DNAH12: variants seen among roughly 807,000 people sequenced by gnomAD.
DNAH12 encodes the protein axonemal beta dynein heavy chain 12.
Under a neutral mutation model 371.5 loss-of-function variants are expected in DNAH12, and 285 were observed. The ratio of observed to expected loss-of-function variants is 0.77; its 90% CI spans 0.70 to 0.85. The LOEUF is 0.85. Ranked by LOEUF, DNAH12 falls within the 40% of genes least tolerant of loss-of-function variation. The pLI is 0.00. For missense variants in DNAH12, 3,611 were observed against 3,689.4 expected, an observed-to-expected ratio of 0.98 and a Z score of 0.55; for synonymous variants, 1,200 against 1,213.0, an observed-to-expected ratio of 0.99 and a Z score of 0.22.
chr3:57,453,233 A>G lies in DNAH12; in HGVS notation c.3613+14T>C. 2 of 1,519,636 alleles carry G rather than the reference A, an allele frequency of 1.3e-6. No individual in the cohort carries two copies. Among genetic ancestry groups the G allele is most frequent in the African/African-American group, 1.4e-5 (1 of 71,192 alleles). 94.1% of individuals were successfully genotyped at this position (1,519,636 alleles called of 1,614,324 possible). ...AACATTTTATCTTTAAAAATTAAAG[A>G]AAAAGTCACATACCCATTTTAATCA... On this transcript the variant is annotated intron_variant, in intron 24 of 73. Coordinates refer to ENST00000495027, the MANE Select transcript of DNAH12 (RefSeq NM_001366028.2).
chr3:57,318,411 G>C (rs1559549024), intron 65 of DNAH12, among the ~76,000 whole-genome samples: 1 of 152,116 alleles, frequency 6.6e-6, no homozygotes, highest in Non-Finnish European at 1.5e-5. Context: ...TTGTTGAAGA[G>C]ACTATACTTC....
chr3:57,359,316 T>C (rs1256003216), intron 58 of DNAH12, among the ~76,000 whole-genome samples: 13 of 151,630 alleles, frequency 8.6e-5, no homozygotes, highest in Non-Finnish European at 1.5e-4. Flanking sequence ...TCCCAGCACT[T>C]TGGGAGGCTG....
chr3:57,455,357 A>G (rs1242415071), intron 22 of DNAH12, among the ~76,000 whole-genome samples: 4 of 151,864 alleles, frequency 2.6e-5, no homozygotes, highest in Admixed American at 2.6e-4. Flanking sequence ...TGAGGTCAGG[A>G]GTTCGAGACC....
At chr3:57,551,126 A>G in the DNAH12 span, among the ~76,000 whole-genome samples, 7 of 152,042 alleles carry the variant, frequency 4.6e-5, no homozygotes, top group Admixed American at 6.6e-5. Context: ...TCAGTCTCCC[A>G]AAGTGCTGGG....
intron 65 of DNAH12, 34 bp from the exon 66 acceptor site, chr3:57,314,665 A>T: frequency 1.4e-6 from 2 of 1,477,596 alleles, no homozygotes; most frequent in Non-Finnish European, 1.8e-6. Flanking sequence ...AAGAAAAAAA[A>T]TTCCGGTCAG....
chr3:57,355,972 T>C (rs2153324495), intron 59 of DNAH12, among the ~76,000 whole-genome samples: 1 of 152,318 alleles, frequency 6.6e-6, no homozygotes, highest in Admixed American at 6.5e-5. Context: ...TAGGTATTAT[T>C]ATTATCCCAA....
At chr3:57,452,343 G>A (rs1262756664) in intron 25 of DNAH12, among the ~76,000 whole-genome samples, 1 of 152,136 alleles carries the variant, frequency 6.6e-6, no homozygotes, top group Non-Finnish European at 1.5e-5. Flanking sequence ...TGGGAATCCT[G>A]TATTTTATCC....
intron 58 of DNAH12, among the ~76,000 whole-genome samples, chr3:57,358,506 T>C (rs2062850261): frequency 6.6e-6 from 1 of 152,182 alleles, no homozygotes; most frequent in Non-Finnish European, 1.5e-5. Context: ...TTGTATCTTT[T>C]TTATTTTAGC....
chr3:57,357,658 G>A (rs1471795408), intron 58 of DNAH12, among the ~76,000 whole-genome samples: 5 of 152,134 alleles, frequency 3.3e-5, no homozygotes, highest in Non-Finnish European at 5.9e-5. Context: ...TCTCTTTCTT[G>A]AGACATACCA....
intron 30 of DNAH12, among the ~76,000 whole-genome samples, chr3:57,435,458 G>A (rs2065092487): frequency 6.6e-6 from 1 of 151,404 alleles, no homozygotes; most frequent in Non-Finnish European, 1.5e-5. Flanking sequence ...CTAAGATTGT[G>A]GCTCCCTCCA....
chr3:57,476,940 G>A (rs1030472118), intron 13 of DNAH12, among the ~76,000 whole-genome samples: 20 of 152,112 alleles, frequency 1.3e-4, no homozygotes, highest in Non-Finnish European at 2.2e-4. Context: ...CAAAGCTAAG[G>A]GGGTGGAGCC....
At chr3:57,320,803 G>A (rs1357144325) in intron 65 of DNAH12, among the ~76,000 whole-genome samples, 1 of 152,082 alleles carries the variant, frequency 6.6e-6, no homozygotes, top group East Asian at 1.9e-4. Flanking sequence ...TAGGGGAATC[G>A]GATGCATACT....
rs552297295 is a variant in DNAH12 at position 57,502,860 on chromosome 3, A to G, written c.1087-381T>C. ...ATGCCTGGCCTATTTTTTGTATTTT[A>G]GTAGAGATGGGGTTTCACAGTGTTG... On this transcript the variant is annotated intron_variant, in intron 9 of 73. Transcript: ENST00000495027. 1.1e-3 allele frequency among the ~76,000 whole-genome samples: 168 copies of G among 150,398 alleles called. 1 individual carries two copies. Among genetic ancestry groups the G allele is most frequent in the Non-Finnish European group, 2.2e-3 (148 of 67,698 alleles).
At chr3:57,503,106 G>A (rs1204689323) in intron 9 of DNAH12, among the ~76,000 whole-genome samples, 1 of 152,080 alleles carries the variant, frequency 6.6e-6, no homozygotes, top group East Asian at 1.9e-4. Context: ...AAACAAGTTG[G>A]GCCAGGTGCA....
chr3:57,317,057 T>C (rs995296426), intron 65 of DNAH12, among the ~76,000 whole-genome samples: 3 of 152,234 alleles, frequency 2.0e-5, no homozygotes, highest in African/African-American at 7.2e-5. Context: ...GCAAGGCTTA[T>C]ATATTTAAAC....
At chr3:57,531,288 G>C (rs1409861103) in intron 2 of DNAH12, among the ~76,000 whole-genome samples, 1 of 152,104 alleles carries the variant, frequency 6.6e-6, no homozygotes, top group East Asian at 1.9e-4. Context: ...ATTTTTTCCA[G>C]ATGCAGTAGT....
chr3:57,324,637 G>C (rs1238264024), intron 62 of DNAH12, among the ~76,000 whole-genome samples: 1 of 152,180 alleles, frequency 6.6e-6, no homozygotes, highest in African/African-American at 2.4e-5. Flanking sequence ...CTCCCAGCGT[G>C]AGCCACGCAG....
At chr3:57,304,704 C>T (rs1005449612) in intron 69 of DNAH12, among the ~76,000 whole-genome samples, 1 of 152,158 alleles carries the variant, frequency 6.6e-6, no homozygotes, top group Non-Finnish European at 1.5e-5. Flanking sequence ...CTGCCTTGGT[C>T]CTTCACCCTT....
rs2062177792 is a variant in DNAH12 at position 57,334,510 on chromosome 3, A to T, written c.9933T>A (p.Asn3311Lys). Residue 3311 changes from asparagine to lysine, a missense_variant, in exon 62 of 74, where the codon AAT becomes AAA. Asn to Lys is a moderately conservative substitution (Grantham distance 94). Around this residue, in one of 3 missense-constraint regions of DNAH12, gnomAD observed 2,266 missense variants for 2,236.9 expected, o/e 1.01. Transcript: ENST00000495027. ...GAAGAATTATTATTTTCTGTAGTTC[A>T]TTTAGGTTCTTATCCATTGGTGCTG... is the stretch of plus-strand genomic sequence containing the variant. ...KFPAPMDKNL[N>K]ELQKIIILRC... 5.2e-6 allele frequency: 8 copies of T among 1,550,824 alleles called. No homozygotes were observed. In the East Asian group the frequency reaches 1.2e-4, roughly 24 times the overall value.
Sources: gnomAD v4.1 joint callset for allele counts (sites outside exome capture counted in the v4.1 genomes callset) on GRCh38, gnomAD v4.1.1 for gene constraint, gnomAD v4.1.1 regional missense constraint, MANE v1.5 for transcripts, NCBI Gene and HGNC (gene_info 2026-07-23, HGNC 2026-07-21) for gene names.